CARD8: variants seen among roughly 807,000 people sequenced by gnomAD.
CARD8 encodes the protein caspase recruitment domain family member 8.
A neutral mutation model predicts 53.2 loss-of-function variants in CARD8; 38 were observed. That is an observed-to-expected ratio of 0.71 (90% CI 0.55 to 0.94). CARD8 has a LOEUF of 0.94. CARD8 is among the 40% of genes least tolerant of loss of function. The probability of loss-of-function intolerance (pLI) is 0.00; values close to 1 mark genes in which losing one functional copy is unlikely to be tolerated. For synonymous variants in CARD8, 245 were observed against 244.9 expected, an observed-to-expected ratio of 1.00 and a Z score of 0.00; for missense variants, 561 against 655.5, an observed-to-expected ratio of 0.86 and a Z score of 1.57.
chr19:48,219,310 T>C (rs1275867890), intron 11 of CARD8, among the ~76,000 whole-genome samples: 3 of 152,188 alleles, frequency 2.0e-5, no homozygotes, highest in Admixed American at 6.5e-5. Context: ...CCCTCATTAA[T>C]GATGCGACCA....
At chr19:48,233,667 G>A (rs1012555874) in intron 6 of CARD8, 8 of 260,828 alleles carry the variant, frequency 3.1e-5, no homozygotes, top group African/African-American at 1.8e-4. Flanking sequence ...ACCCAGCGCT[G>A]AACTGCAGAC....
intron 3 of CARD8, among the ~76,000 whole-genome samples, chr19:48,247,569 A>C (rs899986985): frequency 6.6e-6 from 1 of 151,954 alleles, no homozygotes; most frequent in Non-Finnish European, 1.5e-5. Flanking sequence ...TTGTATATGC[A>C]TAAAGAAACT....
intron 1 of CARD8, among the ~76,000 whole-genome samples, chr19:48,253,911 T>G (rs1303263343): frequency 1.3e-5 from 2 of 152,130 alleles, no homozygotes; most frequent in Non-Finnish European, 2.9e-5. Context: ...ACCAAAGCAA[T>G]TCATATTCTT....
At chr19:48,239,623 C>T (rs2044595602) in intron 4 of CARD8, among the ~76,000 whole-genome samples, 1 of 151,824 alleles carries the variant, frequency 6.6e-6, no homozygotes, top group South Asian at 2.1e-4. Flanking sequence ...TTACAAGTGC[C>T]CGCCACCATG....
rs751317554 is a variant in CARD8, at chr19:48,211,956, C to A, written c.1368G>T (p.Glu456Asp). ...PPFSGAAFVK[E>D]NHRQLQARMG... ...TCCTGGCTTGGAGTTGCCGGTGGTT[C>A]TCCTTCACAAAGGCTGCACCTGGAT... The change falls in exon 14 of 14, where the codon GAG becomes GAT. Residue 456 changes from glutamate to aspartate, a missense_variant. Physicochemically the swap from Glu to Asp is conservative, Grantham distance 45. Coordinates refer to ENST00000651546, the MANE Select transcript of CARD8 (RefSeq NM_001184900.3). The A allele has an allele frequency of 9.3e-6, 15 of 1,614,032 alleles. No individual in the cohort carries two copies. Among genetic ancestry groups the A allele is most frequent in the Non-Finnish European group, 1.2e-5 (14 of 1,179,936 alleles).
At position 48,208,762 on chromosome 19, in the gene CARD8, G is replaced by C. The variant is rs891708195; in HGVS notation, c.*2948C>G. 6.6e-6 allele frequency: 1 copy of C among 151,916 alleles called. No individual in the cohort carries two copies. The highest frequency in any genetic ancestry group is 6.6e-5 in the Admixed American group (1 of 15,246). The allele number at this position is 151,916 out of a possible 1,614,324, so 9.4% of individuals were successfully genotyped here. ...GAAGGCCGAGGCGGGTGGATCATGA[G>C]GTCAGGAGATCAAGACCATCCTGGC... On this transcript the variant is annotated 3_prime_UTR_variant, in exon 14 of 14. Transcript: ENST00000651546.
At chr19:48,239,341 G>A (rs894327001) in intron 4 of CARD8, among the ~76,000 whole-genome samples, 14 of 152,126 alleles carry the variant, frequency 9.2e-5, no homozygotes, top group African/African-American at 3.4e-4. Flanking sequence ...ACAAATCCTT[G>A]TGGTGATTAA....
At chr19:48,234,047 C>A (rs1404079139) in intron 6 of CARD8, 1 of 179,224 alleles carries the variant, frequency 5.6e-6, no homozygotes, top group Non-Finnish European at 1.2e-5. Context: ...ATTCTCCCCT[C>A]CCCGGTGTTA....
chr19:48,239,282 CTGAG>C (rs1156832722), intron 4 of CARD8, among the ~76,000 whole-genome samples: 2 of 152,306 alleles, frequency 1.3e-5, no homozygotes, highest in East Asian at 3.9e-4. Context: ...CTTAACCTCT[CTGAG>C]TATCAGCTTT....
chr19:48,235,863 ATAAC>A (rs1279015214), intron 5 of CARD8, among the ~76,000 whole-genome samples: 1 of 152,200 alleles, frequency 6.6e-6, no homozygotes, highest in Non-Finnish European at 1.5e-5. Flanking sequence ...AAGAAAGAAA[ATAAC>A]TGAGGAATTA....
At chr19:48,227,157 A>T (rs1238565524) in intron 10 of CARD8, among the ~76,000 whole-genome samples, 4 of 152,102 alleles carry the variant, frequency 2.6e-5, no homozygotes, top group Non-Finnish European at 5.9e-5. Context: ...GTATGGCTTG[A>T]ATGACTCAAT....
rs749072922 is a variant in CARD8 at position 48,247,771 on chromosome 19, TATATATACAC to T, written c.-44+1742_-44+1751del. The stretch of plus-strand genomic sequence containing the variant: ...CTATGTTATTGTATATATATATATA[TATATATACAC>T]ACACACACAATGCTTCCATTTGTTT... On this transcript the variant is annotated intron_variant, in intron 3 of 13. Coordinates refer to ENST00000651546, the MANE Select transcript of CARD8 (RefSeq NM_001184900.3). 9.9e-3 allele frequency among the ~76,000 whole-genome samples: 1,415 copies of T among 142,912 alleles called. 26 individuals carry two copies. Among genetic ancestry groups the T allele is most frequent in the African/African-American group, 0.035 (1,349 of 38,274 alleles). The allele number at this position is 142,912 out of a possible 152,430, so 93.8% of individuals were successfully genotyped here.
At chr19:48,252,514 A>C (rs1395871415) in intron 1 of CARD8, among the ~76,000 whole-genome samples, 3 of 150,058 alleles carry the variant, frequency 2.0e-5, no homozygotes, top group Non-Finnish European at 3.0e-5. Flanking sequence ...TTTTTTTGAG[A>C]CAGAGTCTTG....
At chr19:48,234,636 TAG>T in intron 5 of CARD8, 93 bp from the exon 6 acceptor site, 16 of 1,141,958 alleles carry the variant, frequency 1.4e-5, no homozygotes, top group Non-Finnish European at 2.0e-5. Context: ...TTAATAGCCA[TAG>T]ACTCAATATT....
At chr19:48,252,873 A>C (rs1344510802) in intron 1 of CARD8, among the ~76,000 whole-genome samples, 1 of 152,028 alleles carries the variant, frequency 6.6e-6, no homozygotes, top group Non-Finnish European at 1.5e-5. Context: ...AGGTATTTTT[A>C]AACTAACTGT....
At chr19:48,242,226 T>C (rs2045285300) in intron 3 of CARD8, among the ~76,000 whole-genome samples, 1 of 152,038 alleles carries the variant, frequency 6.6e-6, no homozygotes, top group South Asian at 2.1e-4. Context: ...TCAACGCCCT[T>C]AGCAAAGAGA....
chr19:48,250,587 T>C lies in CARD8; in HGVS notation c.-251-740A>G, dbSNP rs375064532. On this transcript the variant is annotated intron_variant, in intron 1 of 13. Coordinates refer to ENST00000651546, the MANE Select transcript of CARD8 (RefSeq NM_001184900.3). ...CTCTAAAAGCATTATTGATCAATCA[T>C]TCTGTAATTAAGATTTGATGTCCCC... is the stretch of plus-strand genomic sequence containing the variant. Among the ~76,000 whole-genome samples the C allele has an allele frequency of 1.1e-4, 16 of 152,308 alleles. No individual in the cohort carries two copies. The East Asian group carries it at 3.1e-3, about 29-fold the overall frequency.
Position 48,240,951 on chromosome 19 carries a change from A to G in CARD8, c.59+11T>C. On this transcript the variant is annotated intron_variant, in intron 4 of 13. Coordinates refer to ENST00000651546, the MANE Select transcript of CARD8 (RefSeq NM_001184900.3). ...CCATCAGGAGCCCTCACAGAGCGCA[A>G]AGTCACTCACCGTCTCGGCAGCTCT... 6.5e-7 allele frequency: 1 copy of G among 1,535,004 alleles called. No homozygotes were observed. Among genetic ancestry groups the G allele is most frequent in the Non-Finnish European group, 8.7e-7 (1 of 1,145,802 alleles).
At chr19:48,204,956 C>A (rs555553635), downstream of CARD8, among the ~76,000 whole-genome samples, 2 of 152,126 alleles carry the variant, frequency 1.3e-5, no homozygotes, top group Admixed American at 6.6e-5. Context: ...TGTAGTTACT[C>A]TCTGTTGTTT....
Sources: gnomAD v4.1 joint callset for allele counts (sites outside exome capture counted in the v4.1 genomes callset) on GRCh38, gnomAD v4.1.1 for gene constraint, MANE v1.5 for transcripts, NCBI Gene and HGNC (gene_info 2026-07-23, HGNC 2026-07-21) for gene names.